RAI2: variants seen among roughly 807,000 people sequenced by gnomAD.
RAI2 encodes the protein retinoic acid-induced protein 2.
A neutral mutation model predicts 15.3 loss-of-function variants in RAI2; 5 were observed. The ratio of observed to expected loss-of-function variants is 0.33; its 90% CI spans 0.17 to 0.69. The LOEUF (loss-of-function observed/expected upper bound fraction) is 0.69, where lower values mean the gene tolerates loss of function less well. RAI2 is among the 30% of genes least tolerant of loss of function. RAI2 has a pLI of 0.69. For missense variants in RAI2, 424 were observed against 424.7 expected (o/e 1.00, Z 0.01); for synonymous variants, 191 against 184.0 (o/e 1.04, Z -0.31).
intron 1 of RAI2, among the ~76,000 whole-genome samples, chrX:17,811,322 G>A (rs905764937): frequency 2.7e-5 from 3 of 111,946 alleles, no homozygotes; most frequent in Admixed American, 9.4e-5. Flanking sequence ...CCTACAGTTC[G>A]GTTGGACACC....
Position 17,800,446 on chromosome X carries a change from C to T in RAI2, c.1565G>A (p.Arg522Gln), listed in dbSNP as rs1386385043. The change falls in exon 2 of 2, where the codon CGG becomes CAG. Residue 522 changes from arginine (R) to glutamine (Q), a missense_variant. Physicochemically the swap from Arg to Gln is conservative, Grantham distance 43. Transcript: ENST00000451717. ...CTTTCTTGGAAAAAAGGTGGCCAGC[C>T]GTTGTTTTTTGATTGGGAGCATGTG... is the stretch of plus-strand genomic sequence containing the variant. Reference protein sequence around the residue: ...EIHMLPIKKQRLATFFPRK With the variant: ...EIHMLPIKKQQLATFFPRK 5.9e-6 allele frequency: 7 copies of T among 1,194,696 alleles called. No homozygotes were observed. The highest frequency in any genetic ancestry group is 2.4e-5 in the Admixed American group (1 of 42,348).
At chrX:17,807,733 C>T in intron 1 of RAI2, among the ~76,000 whole-genome samples, 1 of 111,839 alleles carries the variant, frequency 8.9e-6, no homozygotes, top group Non-Finnish European at 1.9e-5. Context: ...GTGTTAGATG[C>T]CCGCAACCAA....
chrX:17,802,131 G>C (rs1484278940), intron 1 of RAI2, 97 bp from the exon 2 acceptor site: 1 of 1,008,670 alleles, frequency 9.9e-7, no homozygotes, highest in African/African-American at 1.9e-5. Context: ...CCACGTTTTA[G>C]TTAACCAGGG....
chrX:17,858,200 G>A (rs1393274666), intron 1 of RAI2, among the ~76,000 whole-genome samples: 1 of 111,802 alleles, frequency 8.9e-6, no homozygotes, highest in Non-Finnish European at 1.9e-5. Context: ...CTGGAGCAGG[G>A]GAATAGGGAC....
chrX:17,847,051 C>T lies in RAI2; in HGVS notation c.-25+14047G>A, dbSNP rs1480742837. On this transcript the variant is annotated intron_variant, in intron 1 of 1. Coordinates refer to ENST00000451717, the MANE Select transcript of RAI2 (RefSeq NM_021785.6). ...CCCTTTGCTCTTCCTTAGTCTTCCA[C>T]CATGATTGTGAGGCCTCCCCAGCCA... Among the ~76,000 whole-genome samples the T allele has an allele frequency of 4.5e-5, 5 of 111,991 alleles. No individual in the cohort carries two copies. The Admixed American group carries it at 4.7e-4, about 11-fold the overall frequency.
At chrX:17,860,948 C>CGCCGTCCTGCCCCCGGGA (rs2067681569) in intron 1 of RAI2, 150 bp downstream of exon 1, 1 of 104,688 alleles carries the variant, frequency 9.6e-6, no homozygotes, top group African/African-American at 3.4e-5. Flanking sequence ...GGCCTCCGGG[C>CGCCGTCCTGCCCCCGGGA]GCCGTCCTGC....
chrX:17,819,101 G>T (rs985995011), intron 1 of RAI2, among the ~76,000 whole-genome samples: 2 of 111,805 alleles, frequency 1.8e-5, no homozygotes, highest in Admixed American at 9.4e-5. Context: ...CCTTGAGCTT[G>T]CCCTGAGGCA....
rs774715164 is a variant in RAI2 at position 17,859,079 on chromosome X, C to T, written c.-25+2019G>A. Among the ~76,000 whole-genome samples, 8 of 111,513 alleles carry T rather than the reference C, an allele frequency of 7.2e-5. No homozygotes were observed. In the South Asian group the frequency reaches 3.1e-3, roughly 43 times the overall value. ...TCTGGGCTTGTAAGAGGCAGAGAAA[C>T]TGGGATGCCACCATCTTACAATTCT... On this transcript the variant is annotated intron_variant, in intron 1 of 1. Transcript: ENST00000451717.
At chrX:17,827,377 G>A (rs1464323119) in intron 1 of RAI2, among the ~76,000 whole-genome samples, 2 of 112,123 alleles carry the variant, frequency 1.8e-5, no homozygotes, top group Non-Finnish European at 3.8e-5. Flanking sequence ...TTTGTTGAGT[G>A]GCTGTATTTA....
chrX:17,840,055 G>C (rs1183295453), intron 1 of RAI2, among the ~76,000 whole-genome samples: 1 of 112,481 alleles, frequency 8.9e-6, no homozygotes, highest in Non-Finnish European at 1.9e-5. Context: ...TAATATTACA[G>C]AGCACTATTC....
chrX:17,829,972 C>A, intron 1 of RAI2, among the ~76,000 whole-genome samples: 1 of 112,821 alleles, frequency 8.9e-6, no homozygotes, highest in Non-Finnish European at 1.9e-5. Flanking sequence ...TCCCAGAACA[C>A]AGACAGCACC....
chrX:17,802,347 T>C (rs899583327), intron 1 of RAI2, among the ~76,000 whole-genome samples: 2 of 112,407 alleles, frequency 1.8e-5, no homozygotes. Flanking sequence ...TGTTTGGCCT[T>C]CAACAAAAAC....
intron 1 of RAI2, among the ~76,000 whole-genome samples, chrX:17,827,334 AG>A (rs2067238164): frequency 8.9e-6 from 1 of 112,212 alleles, no homozygotes; most frequent in African/African-American, 3.2e-5. Flanking sequence ...CCAGGAGGGT[AG>A]GGGTGGGGCC....
At chrX:17,852,064 T>A (rs2067542437) in intron 1 of RAI2, among the ~76,000 whole-genome samples, 1 of 111,707 alleles carries the variant, frequency 9.0e-6, no homozygotes, top group Non-Finnish European at 1.9e-5. Context: ...AGATTTATGA[T>A]CCTATTTCCT....
intron 1 of RAI2, among the ~76,000 whole-genome samples, chrX:17,815,284 C>T (rs1004501000): frequency 9.2e-5 from 10 of 108,122 alleles, no homozygotes; most frequent in African/African-American, 3.4e-4. Flanking sequence ...GGGAAGAGTT[C>T]CAGAATGCAT....
chrX:17,844,112 G>A lies in RAI2; in HGVS notation c.-25+16986C>T, dbSNP rs181934457. 2.5e-3 allele frequency among the ~76,000 whole-genome samples: 275 copies of A among 112,034 alleles called. 2 individuals carry two copies. Among genetic ancestry groups the A allele is most frequent in the Admixed American group, 4.8e-3 (51 of 10,616 alleles). On this transcript the variant is annotated intron_variant, in intron 1 of 1. Transcript: ENST00000451717. The stretch of plus-strand genomic sequence containing the variant: ...GCTGATGCCGCTCCAGACACATTAC[G>A]ATGTATGTTCCATAGCTTGATTCCC...
chrX:17,800,195 T>G lies in RAI2; in HGVS notation c.*223A>C. 1 of 391,362 alleles carries G rather than the reference T, an allele frequency of 2.6e-6. No individual in the cohort carries two copies. The highest frequency in any genetic ancestry group is 4.1e-6 in the Non-Finnish European group (1 of 242,778). 32.3% of individuals were successfully genotyped at this position (391,362 alleles called of 1,213,427 possible). The stretch of plus-strand genomic sequence containing the variant: ...CATTAAAGCTGCAAAAAATGTGCAA[T>G]CTGCTTGAAAAATAGGTTGCTCTTA... On this transcript the variant is annotated 3_prime_UTR_variant, in exon 2 of 2. Transcript: ENST00000451717.
chrX:17,832,667 C>T (rs936307604), intron 1 of RAI2, among the ~76,000 whole-genome samples: 1 of 112,230 alleles, frequency 8.9e-6, no homozygotes, highest in Admixed American at 9.4e-5. Context: ...CCTGTGCACT[C>T]CAGATGAAAA....
intron 1 of RAI2, among the ~76,000 whole-genome samples, chrX:17,803,214 C>A (rs111377965): frequency 0.054 from 5,999 of 111,169 alleles, 409 homozygotes; most frequent in African/African-American, 0.18. Flanking sequence ...GGCGGCCCAG[C>A]ACACCATGGG....
Sources: allele counts gnomAD v4.1 joint callset (sites outside exome capture counted in the v4.1 genomes callset), GRCh38; gene constraint gnomAD v4.1.1; transcripts MANE v1.5; gene names NCBI Gene and HGNC (gene_info 2026-07-23, HGNC 2026-07-21).